The following CALN1 variants were observed in gnomAD, a reference collection of about 807,000 sequenced individuals.
The protein encoded by CALN1 is calneuron 1, also known as calcium-binding protein 8.
CALN1 carries 17 observed loss-of-function variants against 30.6 expected under a neutral mutation model. The observed-to-expected ratio is 0.56, with a 90% CI of 0.38 to 0.83. The LOEUF (loss-of-function observed/expected upper bound fraction) is 0.83, where lower values mean the gene tolerates loss of function less well. Ranked by LOEUF, CALN1 falls within the 40% of genes least tolerant of loss-of-function variation. CALN1 has a pLI of 0.00. For synonymous variants in CALN1, 156 were observed against 131.4 expected (o/e 1.19, Z -1.28); for missense variants, 291 against 354.9 (o/e 0.82, Z 1.45).
At chr7:72,014,118 A>C in intron 5 of CALN1, among the ~76,000 whole-genome samples, 1 of 123,474 alleles carries the variant, frequency 8.1e-6, no homozygotes. Context: ...ATGGAGTTTC[A>C]CTCTATTGCC....
chr7:71,858,353 C>T (rs1014036247), intron 5 of CALN1, among the ~76,000 whole-genome samples: 1 of 152,042 alleles, frequency 6.6e-6, no homozygotes, highest in Admixed American at 6.6e-5. Context: ...TATAAATCAC[C>T]CAATCTCGGG....
chr7:72,254,344 A>G (rs1392468300), intron 3 of CALN1, among the ~76,000 whole-genome samples: 1 of 152,208 alleles, frequency 6.6e-6, no homozygotes, highest in African/African-American at 2.4e-5. Flanking sequence ...GGGAGAATGC[A>G]GAGAACATGA....
At chr7:71,836,386 G>T (rs1017293534) in intron 5 of CALN1, among the ~76,000 whole-genome samples, 7 of 152,180 alleles carry the variant, frequency 4.6e-5, no homozygotes, top group Non-Finnish European at 7.3e-5. Context: ...TGGAGGTCAG[G>T]TCCAATGAAT....
intron 2 of CALN1, among the ~76,000 whole-genome samples, chr7:72,384,121 G>A (rs1424205656): frequency 1.3e-5 from 2 of 152,162 alleles, no homozygotes; most frequent in Non-Finnish European, 2.9e-5. Context: ...GAGGAAGGAG[G>A]CGGCAAAATG....
At chr7:72,268,061 T>C (rs1796712386) in intron 3 of CALN1, among the ~76,000 whole-genome samples, 1 of 152,182 alleles carries the variant, frequency 6.6e-6, no homozygotes, top group South Asian at 2.1e-4. Flanking sequence ...AATAGGATGA[T>C]TGAAAAGGTT....
At chr7:71,952,611 C>T (rs1007763037) in intron 5 of CALN1, among the ~76,000 whole-genome samples, 1 of 152,190 alleles carries the variant, frequency 6.6e-6, no homozygotes, top group Admixed American at 6.5e-5. Context: ...GAAGCCATGG[C>T]TGCATTACTT....
At chr7:72,492,058 C>G in the CALN1 span, among the ~76,000 whole-genome samples, 1 of 152,184 alleles carries the variant, frequency 6.6e-6, no homozygotes, top group Admixed American at 6.5e-5. Context: ...CATCTCTACC[C>G]TTGGGCTCAA....
intron 3 of CALN1, among the ~76,000 whole-genome samples, chr7:72,272,649 G>A (rs533739864): frequency 2.3e-4 from 35 of 152,214 alleles, no homozygotes; most frequent in African/African-American, 7.2e-4. Flanking sequence ...TAATTGCCCC[G>A]CCAATGAAAT....
chr7:72,236,718 G>C (rs1794492914), intron 3 of CALN1, among the ~76,000 whole-genome samples: 1 of 152,214 alleles, frequency 6.6e-6, no homozygotes, highest in Admixed American at 6.5e-5. Flanking sequence ...TGTGCTAACT[G>C]TTGGGAGGAG....
the CALN1 span, among the ~76,000 whole-genome samples, chr7:72,493,616 G>A: frequency 6.6e-6 from 1 of 152,130 alleles, no homozygotes; most frequent in East Asian, 1.9e-4. Flanking sequence ...TGGGATTACA[G>A]GCATGAGCCA....
rs1361716571 is a variant in CALN1, at chr7:71,785,019, G to A, written c.*2756C>T. ...CAAAGCAGCCAGGGTGCAAGTCACCGGGACAAACTCTGAGCTCCTGAAGTC... is the reference window on the plus strand; with the variant it reads ...CAAAGCAGCCAGGGTGCAAGTCACCAGGACAAACTCTGAGCTCCTGAAGTC... On this transcript the variant is annotated 3_prime_UTR_variant, in exon 7 of 7. Transcript: ENST00000395275. The A allele has an allele frequency of 3.3e-5, 13 of 395,854 alleles. No individual in the cohort carries two copies. Among genetic ancestry groups the A allele is most frequent in the Non-Finnish European group, 5.3e-5 (12 of 224,970 alleles). The allele number at this position is 395,854 out of a possible 1,614,324, so 24.5% of individuals were successfully genotyped here.
chr7:72,074,850 G>C (rs1013089916), intron 4 of CALN1, among the ~76,000 whole-genome samples: 3 of 152,204 alleles, frequency 2.0e-5, no homozygotes, highest in Non-Finnish European at 4.4e-5. Flanking sequence ...TTTAGGCTGG[G>C]AACCTGGGGA....
intron 2 of CALN1, among the ~76,000 whole-genome samples, chr7:72,401,274 G>A (rs529656667): frequency 2.6e-5 from 4 of 151,978 alleles, no homozygotes; most frequent in African/African-American, 7.3e-5. Flanking sequence ...CCTAAGGGGA[G>A]AACACGTTCC....
At chr7:72,020,334 A>G (rs1463193340) in intron 5 of CALN1, among the ~76,000 whole-genome samples, 2 of 152,194 alleles carry the variant, frequency 1.3e-5, no homozygotes, top group African/African-American at 4.8e-5. Flanking sequence ...ACACACATGT[A>G]TATATATGTG....
intron 5 of CALN1, among the ~76,000 whole-genome samples, chr7:71,874,579 T>C (rs1452478958): frequency 6.6e-6 from 1 of 152,170 alleles, no homozygotes; most frequent in African/African-American, 2.4e-5. Context: ...CTTTGAATAT[T>C]AGTGTTGTGT....
intron 6 of CALN1, among the ~76,000 whole-genome samples, chr7:71,801,424 GTATGTATCTATCTATC>G (rs1430978587): frequency 4.5e-4 from 46 of 102,692 alleles, no homozygotes; most frequent in Admixed American, 1.6e-3. Flanking sequence ...ATGTATGTAT[GTATGTATCTATCTATC>G]TATCTATCTA....
chr7:72,425,624 G>A (rs764559567), intron 1 of CALN1, among the ~76,000 whole-genome samples: 2 of 152,190 alleles, frequency 1.3e-5, no homozygotes, highest in Non-Finnish European at 2.9e-5. Flanking sequence ...AATGTTGATT[G>A]ACAGCTCCTT....
chr7:72,311,462 C>A (rs551463818), intron 2 of CALN1, among the ~76,000 whole-genome samples: 1 of 151,832 alleles, frequency 6.6e-6, no homozygotes, highest in South Asian at 2.1e-4. Flanking sequence ...GAAGGATCAA[C>A]TGTATTTCTT....
chr7:72,132,118 A>C (rs1350486873), intron 3 of CALN1, among the ~76,000 whole-genome samples: 1 of 152,198 alleles, frequency 6.6e-6, no homozygotes, highest in Non-Finnish European at 1.5e-5. Flanking sequence ...CGCTCTATAG[A>C]TGCCCCCTCA....
Sources: gnomAD v4.1 joint callset for allele counts (sites outside exome capture counted in the v4.1 genomes callset) on GRCh38, gnomAD v4.1.1 for gene constraint, MANE v1.5 for transcripts, NCBI Gene and HGNC (gene_info 2026-07-23, HGNC 2026-07-21) for gene names.